VPS45: variants seen among roughly 807,000 people sequenced by gnomAD.
VPS45 encodes the protein vacuolar protein sorting-associated protein 45.
VPS45 carries 35 observed loss-of-function variants against 75.9 expected under a neutral mutation model. The observed-to-expected ratio is 0.46, with a 90% CI of 0.35 to 0.61. VPS45 has a LOEUF of 0.61. Ranked by LOEUF, VPS45 falls within the 20% of genes least tolerant of loss-of-function variation. The probability of loss-of-function intolerance (pLI) is 0.00; values close to 1 mark genes in which losing one functional copy is unlikely to be tolerated. For missense variants in VPS45, 559 were observed against 685.9 expected (o/e 0.81, Z 2.07); for synonymous variants, 220 against 238.2 (o/e 0.92, Z 0.70).
chr1:150,100,603 CA>C (rs1474685878), intron 13 of VPS45, among the ~76,000 whole-genome samples: 3 of 152,102 alleles, frequency 2.0e-5, no homozygotes, highest in African/African-American at 7.2e-5. Flanking sequence ...CTACAGTGAC[CA>C]AAACAGCATG....
At chr1:150,072,320 C>A in intron 3 of VPS45, 94 bp downstream of exon 3, 1 of 888,772 alleles carries the variant, frequency 1.1e-6, no homozygotes, top group Non-Finnish European at 1.7e-6. Flanking sequence ...TTCATTGAAT[C>A]TGTCACTATA....
intron 10 of VPS45, among the ~76,000 whole-genome samples, chr1:150,086,269 A>G (rs1386344534): frequency 6.6e-6 from 1 of 152,132 alleles, no homozygotes; most frequent in Non-Finnish European, 1.5e-5. Flanking sequence ...GGGAAAAATA[A>G]TAGTACTTAC....
At chr1:150,139,218 C>A (rs1448492363) in intron 14 of VPS45, among the ~76,000 whole-genome samples, 2 of 152,186 alleles carry the variant, frequency 1.3e-5, no homozygotes, top group African/African-American at 4.8e-5. Flanking sequence ...AAAATTCTTA[C>A]AATGACATGC....
At chr1:150,095,292 G>A (rs982328140) in intron 13 of VPS45, among the ~76,000 whole-genome samples, 2 of 152,300 alleles carry the variant, frequency 1.3e-5, no homozygotes, top group South Asian at 4.1e-4. Context: ...TCTCTGAGAG[G>A]TGATATTTAA....
intron 14 of VPS45, among the ~76,000 whole-genome samples, chr1:150,119,709 T>G (rs1409979799): frequency 1.3e-5 from 2 of 152,218 alleles, no homozygotes; most frequent in African/African-American, 4.8e-5. Flanking sequence ...ATCTTGTCAC[T>G]GTGTGATGTA....
chr1:150,093,752 T>A, intron 13 of VPS45, 104 bp downstream of exon 13: 1 of 1,370,854 alleles, frequency 7.3e-7, no homozygotes, highest in Non-Finnish European at 9.8e-7. Flanking sequence ...ATTCTGCTGC[T>A]CCTTTCTTCT....
intron 12 of VPS45, 27 bp downstream of exon 12, chr1:150,092,436 T>C (rs1553802154): frequency 6.3e-7 from 1 of 1,588,982 alleles, no homozygotes. Flanking sequence ...TATGCTCTCC[T>C]GAGTGAGAAC....
rs1258633944 is a variant in VPS45 at position 150,140,502 on chromosome 1, GTAT to G, written c.1626-4195_1626-4193del. On this transcript the variant is annotated intron_variant, in intron 14 of 14. Coordinates refer to ENST00000644510, the MANE Select transcript of VPS45 (RefSeq NM_007259.5). ...GTAATATGTGTACACCATTATTATT[GTAT>G]TATTATTATTAACTACTAATTAATT... Among the ~76,000 whole-genome samples the G allele has an allele frequency of 2.1e-4, 31 of 150,462 alleles. 1 individual carries two copies. The highest frequency in any genetic ancestry group is 1.9e-3 in the Admixed American group (28 of 15,038).
At chr1:150,135,314 G>A (rs1659015899) in intron 14 of VPS45, among the ~76,000 whole-genome samples, 1 of 152,018 alleles carries the variant, frequency 6.6e-6, no homozygotes, top group Non-Finnish European at 1.5e-5. Flanking sequence ...CCAGGCTGGA[G>A]TGCAATGGCG....
intron 13 of VPS45, chr1:150,110,198 A>G (rs1657569007): frequency 7.5e-6 from 2 of 265,656 alleles, no homozygotes; most frequent in African/African-American, 2.2e-5. Flanking sequence ...CTTGAATATA[A>G]AAGAATATTT....
At chr1:150,087,804 C>G (rs1656093130) in intron 10 of VPS45, among the ~76,000 whole-genome samples, 1 of 152,184 alleles carries the variant, frequency 6.6e-6, no homozygotes, top group Middle Eastern at 3.4e-3. Flanking sequence ...CCTAAGGGCT[C>G]AAAAGTAGGC....
At chr1:150,142,485 C>G (rs587734573) in intron 14 of VPS45, among the ~76,000 whole-genome samples, 1 of 152,316 alleles carries the variant, frequency 6.6e-6, no homozygotes, top group South Asian at 2.1e-4. Flanking sequence ...CTCTACTTTG[C>G]AATTTTTTCT....
intron 14 of VPS45, among the ~76,000 whole-genome samples, chr1:150,132,773 T>C (rs587761242): frequency 6.6e-6 from 1 of 152,360 alleles, no homozygotes; most frequent in South Asian, 2.1e-4. Context: ...TATTCACTTG[T>C]ATGATCTGAG....
At chr1:150,143,967 G>A (rs2101670738) in intron 14 of VPS45, among the ~76,000 whole-genome samples, 1 of 152,272 alleles carries the variant, frequency 6.6e-6, no homozygotes, top group African/African-American at 2.4e-5. Context: ...TTTAAACGGT[G>A]CTCAGAACAA....
At chr1:150,122,734 C>A (rs1198940958) in intron 14 of VPS45, among the ~76,000 whole-genome samples, 1 of 152,052 alleles carries the variant, frequency 6.6e-6, no homozygotes, top group Non-Finnish European at 1.5e-5. Flanking sequence ...CGTGGTGGCT[C>A]ACACCTGTAA....
chr1:150,131,128 C>A (rs1436695018), intron 14 of VPS45, among the ~76,000 whole-genome samples: 1 of 152,080 alleles, frequency 6.6e-6, no homozygotes, highest in South Asian at 2.1e-4. Context: ...TTTTATTATA[C>A]CTGTATAGTA....
chr1:150,075,138 CTT>C (rs34217482), intron 3 of VPS45, among the ~76,000 whole-genome samples: 13 of 119,246 alleles, frequency 1.1e-4, no homozygotes, highest in Non-Finnish European at 1.5e-4. Context: ...TTAAAATTGT[CTT>C]TTTTTTTTTT....
intron 4 of VPS45, 66 bp from the exon 5 acceptor site, chr1:150,076,850 T>G: frequency 6.3e-7 from 1 of 1,577,710 alleles, no homozygotes; most frequent in Non-Finnish European, 8.7e-7. Context: ...ATATCACTTA[T>G]GAAAATATTA....
chr1:150,118,670 T>A (rs1658075610), intron 14 of VPS45, among the ~76,000 whole-genome samples: 2 of 152,290 alleles, frequency 1.3e-5, no homozygotes, highest in African/African-American at 4.8e-5. Context: ...CCTCCCAAAG[T>A]GCTGGGATTA....
Sources: allele counts gnomAD v4.1 joint callset (sites outside exome capture counted in the v4.1 genomes callset), GRCh38; gene constraint gnomAD v4.1.1; transcripts MANE v1.5; gene names NCBI Gene and HGNC (gene_info 2026-07-23, HGNC 2026-07-21).